CACNA1E: variants seen among roughly 807,000 people sequenced by gnomAD.
CACNA1E encodes the protein calcium voltage-gated channel subunit alpha1 E.
A neutral mutation model predicts 259.2 loss-of-function variants in CACNA1E; 40 were observed. That is an observed-to-expected ratio of 0.15 (90% CI 0.12 to 0.20). The LOEUF is 0.20. Among genes scored for constraint, CACNA1E ranks in the 10% least tolerant of loss-of-function variants. The pLI is 1.00. For synonymous variants in CACNA1E, 1,104 were observed against 1,138.5 expected (o/e 0.97, Z 0.61); for missense variants, 1,874 against 3,040.1 (o/e 0.62, Z 9.02).
upstream of CACNA1E, among the ~76,000 whole-genome samples, chr1:181,481,737 C>G (rs1275765348): frequency 1.3e-5 from 2 of 152,186 alleles, no homozygotes; most frequent in Non-Finnish European, 2.9e-5. Context: ...AACCACCAGT[C>G]ACCTGTGGGG....
intron 29 of CACNA1E, among the ~76,000 whole-genome samples, chr1:181,756,437 C>T (rs1658093731): frequency 6.6e-6 from 1 of 152,120 alleles, no homozygotes; most frequent in South Asian, 2.1e-4. Context: ...GATTTATCCT[C>T]CAGGGGGGCC....
chr1:181,580,051 T>G (rs141375392), intron 5 of CACNA1E, among the ~76,000 whole-genome samples: 2 of 152,338 alleles, frequency 1.3e-5, no homozygotes, highest in Non-Finnish European at 2.9e-5. Flanking sequence ...GAATTCCAAA[T>G]AAGTACCATG....
intron 2 of CACNA1E, among the ~76,000 whole-genome samples, chr1:181,449,934 A>C (rs1383860864): frequency 6.6e-6 from 1 of 151,792 alleles, no homozygotes; most frequent in Non-Finnish European, 1.5e-5. Context: ...TGCCTATATT[A>C]GTCTGTTTTC....
At chr1:181,664,941 C>T (rs1447546427) in intron 7 of CACNA1E, among the ~76,000 whole-genome samples, 1 of 152,148 alleles carries the variant, frequency 6.6e-6, no homozygotes, top group Non-Finnish European at 1.5e-5. Flanking sequence ...GAACTGTTGA[C>T]AATTAGATTG....
intron 1 of CACNA1E, among the ~76,000 whole-genome samples, chr1:181,337,731 T>C (rs577749106): frequency 6.6e-6 from 1 of 152,328 alleles, no homozygotes; most frequent in South Asian, 2.1e-4. Flanking sequence ...TCTGTACATA[T>C]ATCACAATTT....
rs958014476 is a variant in CACNA1E at position 181,561,023 on chromosome 1, G to A, written c.513-16743G>A. 4.6e-5 allele frequency among the ~76,000 whole-genome samples: 7 copies of A among 152,322 alleles called. No homozygotes were observed. The East Asian group carries it at 1.2e-3, about 25-fold the overall frequency. ...ATACTATGTGATTCCACTCATATTA[G>A]GTACTTAGAGTGGTCAGATTCACAG... On this transcript the variant is annotated intron_variant, in intron 3 of 47. Coordinates refer to ENST00000367573, the MANE Select transcript of CACNA1E (RefSeq NM_001205293.3).
At chr1:181,600,986 G>T (rs1572344096) in intron 6 of CACNA1E, among the ~76,000 whole-genome samples, 1 of 152,172 alleles carries the variant, frequency 6.6e-6, no homozygotes, top group Non-Finnish European at 1.5e-5. Flanking sequence ...CTAAGGCCCT[G>T]AGAACTTGAT....
At chr1:181,330,912 T>C (rs1651208895) in intron 1 of CACNA1E, among the ~76,000 whole-genome samples, 2 of 152,158 alleles carry the variant, frequency 1.3e-5, no homozygotes, top group Non-Finnish European at 2.9e-5. Context: ...AAATATTAGC[T>C]AGAGATGATC....
chr1:181,534,135 T>G (rs1454481714), intron 3 of CACNA1E, among the ~76,000 whole-genome samples: 1 of 152,134 alleles, frequency 6.6e-6, no homozygotes, highest in East Asian at 1.9e-4. Context: ...GTTCCTTATT[T>G]AAAGTTTAAC....
chr1:181,599,834 T>C (rs1031181397), intron 6 of CACNA1E, among the ~76,000 whole-genome samples: 1 of 152,222 alleles, frequency 6.6e-6, no homozygotes, highest in African/African-American at 2.4e-5. Flanking sequence ...GTATTTCCAA[T>C]TGCATTTTTT....
At chr1:181,426,149 G>A (rs548382315) in intron 2 of CACNA1E, among the ~76,000 whole-genome samples, 1 of 151,814 alleles carries the variant, frequency 6.6e-6, no homozygotes, top group Non-Finnish European at 1.5e-5. Flanking sequence ...GGTGCACTGG[G>A]GTCAGGTGGT....
At chr1:181,378,507 T>C (rs1655248535) in intron 1 of CACNA1E, among the ~76,000 whole-genome samples, 1 of 151,922 alleles carries the variant, frequency 6.6e-6, no homozygotes, top group Admixed American at 6.6e-5. Flanking sequence ...GAGATTAGAG[T>C]TTACAGGACA....
At chr1:181,426,203 T>C (rs984643292) in intron 2 of CACNA1E, among the ~76,000 whole-genome samples, 6 of 151,306 alleles carry the variant, frequency 4.0e-5, no homozygotes, top group Non-Finnish European at 8.9e-5. Context: ...TCTCAACAAT[T>C]CCCCAACCCA....
At chr1:181,357,063 C>T (rs574018166) in intron 1 of CACNA1E, among the ~76,000 whole-genome samples, 3 of 152,236 alleles carry the variant, frequency 2.0e-5, no homozygotes, top group South Asian at 4.1e-4. Flanking sequence ...TTTTTAGCAG[C>T]GAATGTGATT....
chr1:181,731,474 G>A (rs540592929), intron 19 of CACNA1E, among the ~76,000 whole-genome samples: 1 of 152,330 alleles, frequency 6.6e-6, no homozygotes, highest in Non-Finnish European at 1.5e-5. Context: ...TCTGGCCTGT[G>A]AGTGGGTATA....
intron 3 of CACNA1E, among the ~76,000 whole-genome samples, chr1:181,568,918 C>T (rs921357745): frequency 1.3e-5 from 2 of 152,146 alleles, no homozygotes; most frequent in Non-Finnish European, 2.9e-5. Context: ...CTTCGGACTC[C>T]TTACTGTCTA....
At chr1:181,322,867 A>G (rs571823065) in intron 1 of CACNA1E, among the ~76,000 whole-genome samples, 26 of 152,272 alleles carry the variant, frequency 1.7e-4, no homozygotes, top group Admixed American at 1.6e-3. Context: ...ATTGGTAGTG[A>G]CAGCAGCAGC....
chr1:181,703,424 G>A (rs1652473054), intron 7 of CACNA1E, among the ~76,000 whole-genome samples: 1 of 152,080 alleles, frequency 6.6e-6, no homozygotes, highest in South Asian at 2.1e-4. Flanking sequence ...TTCAAACCCA[G>A]GTCTGTACAA....
chr1:181,342,686 G>A (rs1652258272), intron 1 of CACNA1E, among the ~76,000 whole-genome samples: 1 of 152,126 alleles, frequency 6.6e-6, no homozygotes, highest in African/African-American at 2.4e-5. Flanking sequence ...ATGCATGGTT[G>A]GGTGATAAAA....
Sources: gnomAD v4.1 joint callset for allele counts (sites outside exome capture counted in the v4.1 genomes callset) on GRCh38, gnomAD v4.1.1 for gene constraint, MANE v1.5 for transcripts, NCBI Gene and HGNC (gene_info 2026-07-23, HGNC 2026-07-21) for gene names.